Variants in SH3GL2 observed in about 807,000 individuals in gnomAD.
SH3GL2 encodes the protein SH3 domain containing GRB2 like 2, endophilin A1.
A neutral mutation model predicts 46.0 loss-of-function variants in SH3GL2; 24 were observed. The ratio of observed to expected loss-of-function variants is 0.52; its 90% CI spans 0.38 to 0.73. The LOEUF (loss-of-function observed/expected upper bound fraction) is 0.73. Ranked by LOEUF, SH3GL2 falls within the 30% of genes least tolerant of loss-of-function variation. The pLI, the probability that SH3GL2 is intolerant of heterozygous loss-of-function variation, is 0.00. For missense variants in SH3GL2, 413 were observed against 424.2 expected, an observed-to-expected ratio of 0.97 and a Z score of 0.23; for synonymous variants, 196 against 147.1, an observed-to-expected ratio of 1.33 and a Z score of -2.40.
At chr9:17,770,593 G>T (rs1823447645) in intron 3 of SH3GL2, among the ~76,000 whole-genome samples, 1 of 152,132 alleles carries the variant, frequency 6.6e-6, no homozygotes, top group Non-Finnish European at 1.5e-5. Flanking sequence ...TCCCTTGATA[G>T]TGATTACATT....
intron 1 of SH3GL2, among the ~76,000 whole-genome samples, chr9:17,623,000 C>CGTTT (rs1162011881): frequency 3.4e-5 from 3 of 89,306 alleles, no homozygotes; most frequent in Admixed American, 2.2e-4. Context: ...CCTTTCCTTT[C>CGTTT]CTTTCCTTTC....
chr9:17,623,659 TTATC>T (rs1334877008), intron 1 of SH3GL2, among the ~76,000 whole-genome samples: 1 of 151,782 alleles, frequency 6.6e-6, no homozygotes, highest in Admixed American at 6.6e-5. Flanking sequence ...GTCCATTTAT[TTATC>T]TAATTCACCT....
intron 1 of SH3GL2, among the ~76,000 whole-genome samples, chr9:17,637,237 A>G (rs921017906): frequency 6.6e-6 from 1 of 152,186 alleles, no homozygotes; most frequent in Non-Finnish European, 1.5e-5. Context: ...AACTTTAGCC[A>G]TATATATCTT....
In SH3GL2 at chr9:17,623,507, T is replaced by C. The variant is rs114746624; in HGVS notation, c.45+44220T>C. On this transcript the variant is annotated intron_variant, in intron 1 of 8. Transcript: ENST00000380607. ...AAGTCAGAGAGAAATCCAGAAGAGA[T>C]TGATGTTCTGAAAGTTAAGACTGGA... is the stretch of plus-strand genomic sequence containing the variant. 2.4e-3 allele frequency among the ~76,000 whole-genome samples: 370 copies of C among 152,160 alleles called. 4 individuals are homozygous for C. Among genetic ancestry groups the C allele is most frequent in the African/African-American group, 7.8e-3 (325 of 41,522 alleles).
intron 1 of SH3GL2, among the ~76,000 whole-genome samples, chr9:17,723,767 C>T (rs1821954111): frequency 1.3e-5 from 2 of 152,102 alleles, no homozygotes; most frequent in South Asian, 4.2e-4. Flanking sequence ...TTCTCTCTCC[C>T]AGAGTGAAAA....
intron 1 of SH3GL2, among the ~76,000 whole-genome samples, chr9:17,693,921 A>C (rs1317984818): frequency 6.6e-6 from 1 of 152,160 alleles, no homozygotes; most frequent in Non-Finnish European, 1.5e-5. Flanking sequence ...TTTATTACTG[A>C]ATGTATAGTG....
intron 1 of SH3GL2, among the ~76,000 whole-genome samples, chr9:17,634,817 C>A (rs1484482515): frequency 6.6e-6 from 1 of 152,164 alleles, no homozygotes; most frequent in South Asian, 2.1e-4. Context: ...CAGAACCACA[C>A]AATACACACA....
At chr9:17,710,162 A>C (rs746069583) in intron 1 of SH3GL2, among the ~76,000 whole-genome samples, 1 of 151,930 alleles carries the variant, frequency 6.6e-6, no homozygotes, top group Non-Finnish European at 1.5e-5. Flanking sequence ...ATTGTGAGTG[A>C]GTTCTCACAA....
intron 1 of SH3GL2, among the ~76,000 whole-genome samples, chr9:17,662,588 G>C (rs757952001): frequency 6.6e-6 from 1 of 151,830 alleles, no homozygotes; most frequent in Non-Finnish European, 1.5e-5. Flanking sequence ...CTTTCAGTCA[G>C]ATACAGACTC....
intron 1 of SH3GL2, among the ~76,000 whole-genome samples, chr9:17,687,410 G>T (rs1371223140): frequency 6.6e-6 from 1 of 151,756 alleles, no homozygotes; most frequent in Non-Finnish European, 1.5e-5. Context: ...TGCAGATATT[G>T]GAGGAGGAGT....
intron 1 of SH3GL2, among the ~76,000 whole-genome samples, chr9:17,665,432 C>T (rs2117918600): frequency 6.6e-6 from 1 of 152,202 alleles, no homozygotes; most frequent in African/African-American, 2.4e-5. Flanking sequence ...TTGATGAGTA[C>T]AGGCAAATTA....
At chr9:17,580,950 T>G (rs181127037) in intron 1 of SH3GL2, among the ~76,000 whole-genome samples, 60 of 152,334 alleles carry the variant, frequency 3.9e-4, no homozygotes, top group Middle Eastern at 6.8e-3. Flanking sequence ...AAGGTTTGAA[T>G]CCTGCCTCTG....
chr9:17,608,170 T>A (rs1230317538), intron 1 of SH3GL2, among the ~76,000 whole-genome samples: 1 of 112,600 alleles, frequency 8.9e-6, no homozygotes, highest in South Asian at 2.8e-4. Flanking sequence ...TTTTTTGAGA[T>A]GGAGTCTTGC....
At position 17,599,618 on chromosome 9, in the gene SH3GL2, T is replaced by C. The variant is rs1010548; in HGVS notation, c.45+20331T>C. ...ATTGGTCCAGTCATATGATGGAGTTTTATGAGGCAAATGATGTGATCTACA... is the reference window on the plus strand; with the variant it reads ...ATTGGTCCAGTCATATGATGGAGTTCTATGAGGCAAATGATGTGATCTACA... On this transcript the variant is annotated intron_variant, in intron 1 of 8. Coordinates refer to ENST00000380607, the MANE Select transcript of SH3GL2 (RefSeq NM_003026.5). 9.3e-3 allele frequency among the ~76,000 whole-genome samples: 1,413 copies of C among 152,354 alleles called. 12 individuals are homozygous for C. The highest frequency in any genetic ancestry group is 0.014 in the Non-Finnish European group (928 of 68,044).
At chr9:17,681,522 C>A (rs1820766090) in intron 1 of SH3GL2, among the ~76,000 whole-genome samples, 1 of 152,062 alleles carries the variant, frequency 6.6e-6, no homozygotes, top group Non-Finnish European at 1.5e-5. Flanking sequence ...GAAACTGGAC[C>A]CCTTCCTTAC....
At chr9:17,662,703 C>CTTTTTTTT (rs559842403) in intron 1 of SH3GL2, among the ~76,000 whole-genome samples, 1 of 96,962 alleles carries the variant, frequency 1.0e-5, no homozygotes. Context: ...TTGGCCAAGT[C>CTTTTTTTT]TTTTTTTTTT....
chr9:17,735,388 A>G (rs1022456237), intron 1 of SH3GL2, among the ~76,000 whole-genome samples: 3 of 152,290 alleles, frequency 2.0e-5, no homozygotes, highest in Middle Eastern at 6.8e-3. Context: ...CATTATTTAT[A>G]AAATGCTCCC....
chr9:17,636,504 A>C (rs1819548198), intron 1 of SH3GL2, among the ~76,000 whole-genome samples: 1 of 152,244 alleles, frequency 6.6e-6, no homozygotes, highest in Non-Finnish European at 1.5e-5. Context: ...ATAGCTTTAC[A>C]AAATGACCTT....
chr9:17,650,272 G>A (rs1456849585), intron 1 of SH3GL2, among the ~76,000 whole-genome samples: 3 of 152,220 alleles, frequency 2.0e-5, no homozygotes, highest in Non-Finnish European at 4.4e-5. Flanking sequence ...ACAGTTTGAA[G>A]TACACAAAAG....
Sources: allele counts gnomAD v4.1 joint callset (sites outside exome capture counted in the v4.1 genomes callset), GRCh38; gene constraint gnomAD v4.1.1; transcripts MANE v1.5; gene names NCBI Gene and HGNC (gene_info 2026-07-23, HGNC 2026-07-21).